Variants in BAHCC1 observed in about 807,000 individuals in gnomAD.
The protein encoded by BAHCC1 is BAH and coiled-coil domain-containing protein 1.
BAHCC1 carries 43 observed loss-of-function variants against 88.2 expected under a neutral mutation model. The observed-to-expected ratio is 0.49, with a 90% CI of 0.38 to 0.63. The LOEUF is 0.63. Among genes scored for constraint, BAHCC1 ranks in the 20% least tolerant of loss-of-function variants. The pLI, the probability that BAHCC1 is intolerant of heterozygous loss-of-function variation, is 0.00. For synonymous variants in BAHCC1, 1,510 were observed against 745.5 expected (o/e 2.03, Z -16.71); for missense variants, 3,023 against 1,654.8 (o/e 1.83, Z -14.34).
chr17:81,436,576 C>T (rs1362534333), intron 3 of BAHCC1, among the ~76,000 whole-genome samples: 1 of 152,170 alleles, frequency 6.6e-6, no homozygotes, highest in Non-Finnish European at 1.5e-5. Context: ...TGCCCCTTGC[C>T]CTGCCACTCC....
In BAHCC1 at chr17:81,445,355, G is replaced by A. The variant is rs782748085; in HGVS notation, c.2837G>A (p.Arg946Gln). The A allele has an allele frequency of 3.6e-5, 28 of 773,318 alleles. No homozygotes were observed. The highest frequency in any genetic ancestry group is 5.1e-5 in the African/African-American group (3 of 58,964). The allele number at this position is 773,318 out of a possible 1,614,324, so 47.9% of individuals were successfully genotyped here. A position where few individuals can be genotyped will look rare whatever the true frequency, so the allele number is the denominator to read the frequency against. The change falls in exon 10 of 28, where the codon CGG becomes CAG. Residue 946 changes from arginine to glutamine, a missense_variant and splice_region_variant. Physicochemically the swap from Arg to Gln is conservative, Grantham distance 43 (BLOSUM62 1). Coordinates refer to ENST00000675386, the MANE Select transcript of BAHCC1 (RefSeq NM_001377448.1). ...CGAGCTTGCCCCCATCCCTGACAGC[G>A]GAAGCCCGAAGACCAGCACCTGGAT... ...LQQQRAAQFQRKPEDQHLDLE... is the reference protein window; with the variant it reads ...LQQQRAAQFQQKPEDQHLDLE...
chr17:81,452,822 G>A lies in BAHCC1; in HGVS notation c.4416G>A (p.Pro1472=), dbSNP rs782098461. The change falls in exon 14 of 28, where the codon CCG becomes CCA. Residue 1472 remains proline, a synonymous_variant. Transcript: ENST00000675386. ...TGCCTGCCCCACGTCCCACGGGGCC[G>A]CTCCCCAGGAGCGATGGCAAGAAAG... The part of the protein sequence containing the change: ...SSLPAPRPTG[P]LPRSDGKKVK... The A allele has an allele frequency of 2.7e-5, 20 of 743,738 alleles. 1 individual carries two copies. The highest frequency in any genetic ancestry group is 4.2e-5 in the Non-Finnish European group (17 of 404,160). The allele number at this position is 743,738 out of a possible 1,614,324, so 46.1% of individuals were successfully genotyped here. A position where few individuals can be genotyped will look rare whatever the true frequency, so the allele number is the denominator to read the frequency against.
At chr17:81,448,261 A>G (rs2064570790) in intron 11 of BAHCC1, among the ~76,000 whole-genome samples, 1 of 152,156 alleles carries the variant, frequency 6.6e-6, no homozygotes, top group Non-Finnish European at 1.5e-5. Flanking sequence ...GGTCCAGTTC[A>G]GGAACCGTCG....
intron 2 of BAHCC1, among the ~76,000 whole-genome samples, chr17:81,414,234 T>C (rs750685931): frequency 3.9e-4 from 60 of 152,240 alleles, no homozygotes; most frequent in Non-Finnish European, 7.2e-4. Flanking sequence ...GGGGCAACGG[T>C]GTGGGGGCAC....
chr17:81,408,814 C>T (rs2063912592), intron 2 of BAHCC1, among the ~76,000 whole-genome samples: 1 of 152,212 alleles, frequency 6.6e-6, no homozygotes. Flanking sequence ...CCCCTGATAT[C>T]AGCCACCTTT....
At chr17:81,416,343 T>A (rs2064024659) in intron 2 of BAHCC1, among the ~76,000 whole-genome samples, 2 of 140,428 alleles carry the variant, frequency 1.4e-5, no homozygotes, top group African/African-American at 5.5e-5. Flanking sequence ...GATGGGTGTG[T>A]GTGTGTCCAT....
At position 81,399,871 on chromosome 17, in the gene BAHCC1, G is replaced by T; in HGVS notation, c.132G>T (p.Gln44His). 20 of 1,450,998 alleles carry T rather than the reference G, an allele frequency of 1.4e-5. No homozygotes were observed. Among genetic ancestry groups the T allele is most frequent in the Non-Finnish European group, 1.8e-5 (20 of 1,100,542 alleles). The allele number at this position is 1,450,998 out of a possible 1,614,324, so 89.9% of individuals were successfully genotyped here. A position where few individuals can be genotyped will look rare whatever the true frequency, so the allele number is the denominator to read the frequency against. ...GPAAQPPAHF[Q>H]PGKYFPSPLP... ...CCGCGCAGCCCCCCGCACACTTCCAGCCGGGAAAGTACTTCCCGTCGCCGT... is the reference window on the plus strand; with the variant it reads ...CCGCGCAGCCCCCCGCACACTTCCATCCGGGAAAGTACTTCCCGTCGCCGT... Residue 44 changes from glutamine to histidine, a missense_variant, in exon 2 of 28, where the codon CAG becomes CAT. By Grantham distance (24) the Gln-to-His change is conservative. Coordinates refer to ENST00000675386, the MANE Select transcript of BAHCC1 (RefSeq NM_001377448.1). This position sits in a 1 kb window ranked among gnomAD's most constrained non-coding sequence, Gnocchi z 4.5.
chr17:81,430,677 C>G (rs1181527303), intron 3 of BAHCC1, among the ~76,000 whole-genome samples: 2 of 152,182 alleles, frequency 1.3e-5, no homozygotes, highest in African/African-American at 4.8e-5. Flanking sequence ...CCCGAGTGTC[C>G]TCAGAGGTAC....
At chr17:81,427,545 A>T (rs980576122) in intron 3 of BAHCC1, among the ~76,000 whole-genome samples, 1 of 152,140 alleles carries the variant, frequency 6.6e-6, no homozygotes, top group Admixed American at 6.5e-5. Flanking sequence ...GGCCAGCAGG[A>T]GACTCCTGGA....
intron 23 of BAHCC1, among the ~76,000 whole-genome samples, chr17:81,459,933 C>G (rs979287456): frequency 5.9e-5 from 9 of 152,240 alleles, no homozygotes; most frequent in African/African-American, 2.2e-4. Flanking sequence ...CATGTAGGTC[C>G]CTAGGGCGAA....
intron 13 of BAHCC1, 24 bp downstream of exon 13, chr17:81,452,131 CCTGGGAGG>C (rs782000757): frequency 2.8e-4 from 159 of 562,990 alleles, no homozygotes; most frequent in Admixed American, 5.1e-4. Context: ...GGCGGGGGGG[CCTGGGAGG>C]GTCGCAGCAC....
At chr17:81,428,095 T>G (rs1475571714) in intron 3 of BAHCC1, among the ~76,000 whole-genome samples, 1 of 152,168 alleles carries the variant, frequency 6.6e-6, no homozygotes, top group Admixed American at 6.5e-5. Flanking sequence ...GCCGCTACCT[T>G]GGGATGCGGT....
Position 81,463,688 on chromosome 17 carries a change from C to G in BAHCC1, c.7698C>G (p.Arg2566=). The G allele has an allele frequency of 1.3e-6, 1 of 779,676 alleles. No homozygotes were observed. The highest frequency in any genetic ancestry group is 1.3e-5 in the South Asian group (1 of 74,624). The allele number at this position is 779,676 out of a possible 1,614,324, so 48.3% of individuals were successfully genotyped here. ...TISHKCQVVA[R]EQYEQMARSR... ...CCCACAAGTGCCAGGTCGTGGCGCG[C>G]GAGCAGTATGAGCAGATGGCCCGGA... Residue 2566 remains arginine (R), a synonymous_variant, in exon 28 of 28, where the codon CGC becomes CGG. Transcript: ENST00000675386.
chr17:81,438,233 C>T, intron 3 of BAHCC1, 137 bp from the exon 4 acceptor site: 1 of 647,954 alleles, frequency 1.5e-6, no homozygotes, highest in Non-Finnish European at 2.8e-6. Flanking sequence ...GTTGATTTCC[C>T]CCCGGCGGCT....
chr17:81,446,526 CTTTTTTT>C (rs869297780), intron 10 of BAHCC1, among the ~76,000 whole-genome samples: 1 of 49,184 alleles, frequency 2.0e-5, no homozygotes, highest in Non-Finnish European at 3.6e-5. Context: ...CTGCTCACAC[CTTTTTTT>C]TTTTTTTTTT....
intron 2 of BAHCC1, among the ~76,000 whole-genome samples, chr17:81,419,788 CGTTTTTTTTTTTT>C: frequency 2.0e-5 from 2 of 102,304 alleles, no homozygotes; most frequent in South Asian, 6.4e-4. Context: ...CTCAACGAGG[CGTTTTTTTTTTTT>C]TTTTTTTTTA....
At chr17:81,431,164 C>A (rs1225331106) in intron 3 of BAHCC1, among the ~76,000 whole-genome samples, 1 of 152,094 alleles carries the variant, frequency 6.6e-6, no homozygotes, top group Non-Finnish European at 1.5e-5. Context: ...GCTGCCCCAT[C>A]CAGGCCTATG....
chr17:81,429,531 GT>G (rs1262516691), intron 3 of BAHCC1, among the ~76,000 whole-genome samples: 1 of 152,150 alleles, frequency 6.6e-6, no homozygotes, highest in African/African-American at 2.4e-5. Context: ...CTGGCTGCTA[GT>G]TTGACAGGGT....
intron 11 of BAHCC1, among the ~76,000 whole-genome samples, chr17:81,450,573 C>T (rs1315231769): frequency 1.3e-5 from 2 of 152,210 alleles, no homozygotes; most frequent in Non-Finnish European, 2.9e-5. Context: ...CTGTGTTCAG[C>T]CCATGGCCCT....
Sources: allele counts gnomAD v4.1 joint callset (sites outside exome capture counted in the v4.1 genomes callset), GRCh38; gene constraint gnomAD v4.1.1; non-coding constraint Gnocchi (gnomAD v3.1); transcripts MANE v1.5; gene names NCBI Gene and HGNC (gene_info 2026-07-23, HGNC 2026-07-21).